KLRG1: variants seen among roughly 807,000 people sequenced by gnomAD.
The protein encoded by KLRG1 is killer cell lectin-like receptor subfamily G member 1.
In KLRG1, 16 loss-of-function variants were observed where a neutral mutation model predicts 21.8. The observed-to-expected ratio is 0.73, with a 90% CI of 0.50 to 1.11. The LOEUF (loss-of-function observed/expected upper bound fraction) is 1.11. Ranked by LOEUF, KLRG1 falls within the 50% of genes most tolerant of loss-of-function variation. The pLI is 0.00. For missense variants in KLRG1, 173 were observed against 218.3 expected, an observed-to-expected ratio of 0.79 and a Z score of 1.31; for synonymous variants, 69 against 75.9, an observed-to-expected ratio of 0.91 and a Z score of 0.47.
the KLRG1 span, among the ~76,000 whole-genome samples, chr12:9,070,259 A>T: frequency 2.0e-5 from 3 of 152,368 alleles, no homozygotes; most frequent in Non-Finnish European, 4.4e-5. Flanking sequence ...GAAATTGAAA[A>T]GCAGGAACCT....
chr12:9,212,283 T>C, the KLRG1 span, among the ~76,000 whole-genome samples: 1 of 152,146 alleles, frequency 6.6e-6, no homozygotes, highest in Non-Finnish European at 1.5e-5. Context: ...CAGTATACAG[T>C]GCTGTTTTAA....
chr12:8,963,768 A>G (rs867897356), intron 1 of KLRG1, among the ~76,000 whole-genome samples: 11 of 151,918 alleles, frequency 7.2e-5, no homozygotes, highest in Non-Finnish European at 1.5e-4. Context: ...TCTTGGGAGG[A>G]TGTATGTGTT....
chr12:9,029,218 T>G, the KLRG1 span: 1 of 174,298 alleles, frequency 5.7e-6, no homozygotes, highest in Non-Finnish European at 1.2e-5. Context: ...AATTTTTTAT[T>G]TATTTATTTA....
chr12:9,143,404 A>G, the KLRG1 span, among the ~76,000 whole-genome samples: 1 of 152,138 alleles, frequency 6.6e-6, no homozygotes, highest in Non-Finnish European at 1.5e-5. Context: ...GGGTTCGGAC[A>G]GGCAAGAAGT....
chr12:9,174,743 A>G, the KLRG1 span, among the ~76,000 whole-genome samples: 1 of 152,148 alleles, frequency 6.6e-6, no homozygotes, highest in Admixed American at 6.5e-5. Flanking sequence ...ACCTAGGAAT[A>G]CAGCTAACAA....
chr12:9,102,499 A>G, the KLRG1 span, among the ~76,000 whole-genome samples: 1 of 152,098 alleles, frequency 6.6e-6, no homozygotes, highest in Non-Finnish European at 1.5e-5. Flanking sequence ...TACAGGCGTG[A>G]GCTACCGTGC....
At chr12:9,104,523 A>C in the KLRG1 span, 1 of 1,011,340 alleles carries the variant, frequency 9.9e-7, no homozygotes. Context: ...CTGAGGACAC[A>C]GCAGTGAAAA....
chr12:9,097,782 G>A, the KLRG1 span, among the ~76,000 whole-genome samples: 6 of 151,974 alleles, frequency 3.9e-5, no homozygotes, highest in African/African-American at 1.4e-4. Flanking sequence ...ACAGGCGCCC[G>A]CCACCACGTC....
At chr12:9,020,058 T>C in the KLRG1 span, among the ~76,000 whole-genome samples, 2 of 133,442 alleles carry the variant, frequency 1.5e-5, no homozygotes, top group African/African-American at 5.7e-5. Flanking sequence ...CATATATATA[T>C]ATATACACAC....
the KLRG1 span, among the ~76,000 whole-genome samples, chr12:9,030,977 G>T: frequency 6.6e-6 from 1 of 152,226 alleles, no homozygotes; most frequent in African/African-American, 2.4e-5. Context: ...AGCATCTCCC[G>T]GCAGGGGGTA....
the KLRG1 span, among the ~76,000 whole-genome samples, chr12:9,144,582 T>G: frequency 6.6e-6 from 1 of 152,176 alleles, no homozygotes; most frequent in Non-Finnish European, 1.5e-5. Context: ...ACAGGTTTAT[T>G]TTGGAGAATA....
chr12:8,975,566 CTTTTCT>C (rs940166141), intron 1 of KLRG1, among the ~76,000 whole-genome samples: 1 of 150,574 alleles, frequency 6.6e-6, no homozygotes, highest in Non-Finnish European at 1.5e-5. Flanking sequence ...TCTTTCTTTT[CTTTTCT>C]TTTTCTTTTG....
chr12:9,057,969 A>G, the KLRG1 span: 1 of 152,238 alleles, frequency 6.6e-6, no homozygotes, highest in Non-Finnish European at 1.5e-5. Context: ...CTTTTAAACG[A>G]TTAAAATAAT....
chr12:9,021,174 C>T, the KLRG1 span, among the ~76,000 whole-genome samples: 2 of 152,076 alleles, frequency 1.3e-5, no homozygotes, highest in Non-Finnish European at 2.9e-5. Flanking sequence ...AAAAACGGTA[C>T]ACCGGTATAT....
the KLRG1 span, chr12:9,095,691 G>T: frequency 6.3e-7 from 1 of 1,595,876 alleles, no homozygotes; most frequent in Non-Finnish European, 8.6e-7. Context: ...TCTGGTAGCA[G>T]GTTGTAAACC....
At chr12:9,182,523 A>G in the KLRG1 span, among the ~76,000 whole-genome samples, 1 of 152,226 alleles carries the variant, frequency 6.6e-6, no homozygotes, top group Non-Finnish European at 1.5e-5. Context: ...ATTTTGTCAT[A>G]TATGACTTTT....
chr12:9,081,690 T>G, the KLRG1 span, among the ~76,000 whole-genome samples: 1 of 152,318 alleles, frequency 6.6e-6, no homozygotes, highest in African/African-American at 2.4e-5. Flanking sequence ...AGGAGTTCCC[T>G]GGGGTCACAG....
At chr12:9,079,842 A>T in the KLRG1 span, 1 of 1,536,288 alleles carries the variant, frequency 6.5e-7, no homozygotes, top group Non-Finnish European at 8.8e-7. Flanking sequence ...ATGGGAAGTC[A>T]TAAAGCTTGG....
the KLRG1 span, among the ~76,000 whole-genome samples, chr12:9,123,055 T>C: frequency 2.6e-5 from 4 of 152,292 alleles, no homozygotes; most frequent in Middle Eastern, 3.4e-3. Flanking sequence ...AAATAAAACA[T>C]GTTAATTTTT....
Sources: gnomAD v4.1 joint callset for allele counts (sites outside exome capture counted in the v4.1 genomes callset) on GRCh38, gnomAD v4.1.1 for gene constraint, MANE v1.5 for transcripts, NCBI Gene and HGNC (gene_info 2026-07-23, HGNC 2026-07-21) for gene names.